Variants in TFEB observed in about 807,000 individuals in gnomAD.
TFEB encodes T-cell transcription factor EB.
TFEB carries 12 observed loss-of-function variants against 48.0 expected under a neutral mutation model. The ratio of observed to expected loss-of-function variants is 0.25; its 90% CI spans 0.16 to 0.40. The LOEUF is 0.40. TFEB is among the 10% of genes least tolerant of loss of function. TFEB has a pLI of 1.00. For missense variants in TFEB, 509 were observed against 640.3 expected (o/e 0.79, Z 2.21); for synonymous variants, 244 against 261.4 (o/e 0.93, Z 0.64).
chr6:41,733,709 T>TCCTCTG (rs1270661541), intron 1 of TFEB: 2 of 985,320 alleles, frequency 2.0e-6, no homozygotes, highest in African/African-American at 3.5e-5. Context: ...ACCCTTCCCT[T>TCCTCTG]CCTCTGCCTC....
In TFEB at chr6:41,724,339, G is replaced by C. The variant is rs1771118528; in HGVS notation, c.-23+11011C>G. Among the ~76,000 whole-genome samples the C allele has an allele frequency of 1.3e-5, 2 of 152,186 alleles. No homozygotes were observed. The highest frequency in any genetic ancestry group is 2.4e-5 in the African/African-American group (1 of 41,432). ...GCTATTATCGGTCGTCTGCGTCTCA[G>C]GGTGGATGAGTTTACTGGGCCCTTT... On this transcript the variant is annotated intron_variant, in intron 1 of 8. Coordinates refer to ENST00000373033, the MANE Select transcript of TFEB (RefSeq NM_001271944.2). This position sits in a 1 kb window ranked among gnomAD's most constrained non-coding sequence, Gnocchi z 4.4.
chr6:41,694,622 C>T (rs984957371), intron 1 of TFEB, among the ~76,000 whole-genome samples: 1 of 152,094 alleles, frequency 6.6e-6, no homozygotes, highest in Non-Finnish European at 1.5e-5. Context: ...TGCCTACTCA[C>T]TCTAAAATCC....
At position 41,690,591 on chromosome 6, in the gene TFEB, G is replaced by T. The variant is rs953982271; in HGVS notation, c.468+72C>A. On this transcript the variant is annotated intron_variant, in intron 3 of 8. Transcript: ENST00000373033. ...GCACCCCTGCCTCTGCCATTAGACT[G>T]GGAGTCTCAGAAGCACAGCAGTGGG... 1.3e-5 allele frequency: 18 copies of T among 1,438,134 alleles called. No individual in the cohort carries two copies. The African/African-American group carries it at 2.6e-4, about 20-fold the overall frequency. 89.1% of individuals were successfully genotyped at this position (1,438,134 alleles called of 1,614,324 possible).
At chr6:41,718,823 A>G (rs920285596) in intron 1 of TFEB, among the ~76,000 whole-genome samples, 7 of 152,200 alleles carry the variant, frequency 4.6e-5, no homozygotes, top group African/African-American at 1.7e-4. Flanking sequence ...GAAAGCCTGA[A>G]GCAGGCCCAA....
In TFEB at chr6:41,734,143, C is replaced by T. The variant is rs576755287; in HGVS notation, c.-23+1207G>A. The T allele has an allele frequency of 5.5e-6, 1 of 182,938 alleles. No individual in the cohort carries two copies. The highest frequency in any genetic ancestry group is 1.0e-5 in the Non-Finnish European group (1 of 96,098). The allele number at this position is 182,938 out of a possible 1,614,324, so 11.3% of individuals were successfully genotyped here. A position where few individuals can be genotyped will look rare whatever the true frequency, so the allele number is the denominator to read the frequency against. On this transcript the variant is annotated intron_variant, in intron 1 of 8. Coordinates refer to ENST00000373033, the MANE Select transcript of TFEB (RefSeq NM_001271944.2). This position sits in a 1 kb window ranked among gnomAD's most constrained non-coding sequence, Gnocchi z 4.0. Reference sequence around the variant, plus strand: ...TGCGCTCAAGTTGAGTGCAGAAGCTCCGCGCTGAACCGTCCCCAGAACAGA... The same window carrying T: ...TGCGCTCAAGTTGAGTGCAGAAGCTTCGCGCTGAACCGTCCCCAGAACAGA...
Position 41,723,670 on chromosome 6 carries a change from C to T in TFEB, c.-23+11680G>A. On this transcript the variant is annotated intron_variant, in intron 1 of 8. Transcript: ENST00000373033. The surrounding 1 kb of genome is among the most constrained non-coding windows in gnomAD (Gnocchi z 6.0). The stretch of plus-strand genomic sequence containing the variant: ...TGCAAATGCGGCCGAGGATTACTCA[C>T]AGCACAGAGGGAACTGCGCCCCGAC... The T allele has an allele frequency of 1.6e-6, 1 of 609,204 alleles. No individual in the cohort carries two copies. The allele number at this position is 609,204 out of a possible 1,614,324, so 37.7% of individuals were successfully genotyped here.
At chr6:41,715,955 C>T (rs1192958131) in intron 1 of TFEB, among the ~76,000 whole-genome samples, 5 of 152,132 alleles carry the variant, frequency 3.3e-5, no homozygotes, top group Non-Finnish European at 7.4e-5. Flanking sequence ...TCCTCTGAGC[C>T]CCACTGCAAG....
chr6:41,697,568 C>T (rs1769675350), intron 1 of TFEB, among the ~76,000 whole-genome samples: 1 of 143,074 alleles, frequency 7.0e-6, no homozygotes, highest in Non-Finnish European at 1.5e-5. Flanking sequence ...ACCTTCAACA[C>T]AACTGCCAGA....
intron 1 of TFEB, among the ~76,000 whole-genome samples, chr6:41,721,770 G>A (rs1271030765): frequency 6.6e-6 from 1 of 152,194 alleles, no homozygotes; most frequent in Non-Finnish European, 1.5e-5. Flanking sequence ...TAAATGTGGT[G>A]AAACTGAGGC....
At chr6:41,705,191 A>G (rs977312235) in intron 1 of TFEB, among the ~76,000 whole-genome samples, 14 of 152,294 alleles carry the variant, frequency 9.2e-5, no homozygotes, top group Admixed American at 6.5e-4. Context: ...GCTCCGCAGG[A>G]GGCCTGGGAG....
chr6:41,708,712 C>T (rs1460557604), intron 1 of TFEB, among the ~76,000 whole-genome samples: 1 of 152,192 alleles, frequency 6.6e-6, no homozygotes, highest in East Asian at 1.9e-4. Context: ...CCTGAGGAGG[C>T]AGTTATGACC....
chr6:41,701,431 C>G (rs1581899493), intron 1 of TFEB, among the ~76,000 whole-genome samples: 1 of 152,218 alleles, frequency 6.6e-6, no homozygotes, highest in African/African-American at 2.4e-5. Flanking sequence ...TTCAGAACCT[C>G]CACACCATCC....
rs764114762 is a variant in TFEB at position 41,686,171 on chromosome 6, C to A, written c.870G>T (p.Lys290Asn). The A allele has an allele frequency of 6.2e-7, 1 of 1,614,244 alleles. No homozygotes were observed. The highest frequency in any genetic ancestry group is 8.5e-7 in the Non-Finnish European group (1 of 1,180,056). The change falls in exon 8 of 9, where the codon AAG becomes AAT. Residue 290 changes from lysine (K) to asparagine (N), a missense_variant. Physicochemically the swap from Lys to Asn is moderately conservative, Grantham distance 94. Coordinates refer to ENST00000373033, the MANE Select transcript of TFEB (RefSeq NM_001271944.2). Reference sequence around the variant, plus strand: ...CCAGCTCCCTGGACTTTTGCAGGTCCTTCTGCATCCTCCGGATGTAATCCA... The same window carrying A: ...CCAGCTCCCTGGACTTTTGCAGGTCATTCTGCATCCTCCGGATGTAATCCA... Reference protein sequence around the residue: ...ASVDYIRRMQKDLQKSRELEN... With the variant: ...ASVDYIRRMQNDLQKSRELEN...
chr6:41,684,537 G>A lies in TFEB; in HGVS notation c.*62C>T. The A allele has an allele frequency of 6.7e-7, 1 of 1,495,910 alleles. No homozygotes were observed. The highest frequency in any genetic ancestry group is 8.9e-7 in the Non-Finnish European group (1 of 1,125,340). 92.7% of individuals were successfully genotyped at this position (1,495,910 alleles called of 1,614,324 possible). On this transcript the variant is annotated 3_prime_UTR_variant, in exon 9 of 9. Coordinates refer to ENST00000373033, the MANE Select transcript of TFEB (RefSeq NM_001271944.2). ...GTGCAGCCTGAAGGGTGGGAGGGAGGTGCCCCTGGCCCTCCCAGCCCCCAG... is the reference window on the plus strand; with the variant it reads ...GTGCAGCCTGAAGGGTGGGAGGGAGATGCCCCTGGCCCTCCCAGCCCCCAG...
upstream of TFEB, chr6:41,735,744 G>T: frequency 4.2e-6 from 1 of 235,378 alleles, no homozygotes; most frequent in Non-Finnish European, 7.4e-6. Flanking sequence ...CCGCTCAGCG[G>T]ACTAAGGCTT....
chr6:41,687,729 G>A (rs1420611273), intron 6 of TFEB, 24 bp downstream of exon 6: 4 of 1,613,868 alleles, frequency 2.5e-6, no homozygotes, highest in Non-Finnish European at 3.4e-6. Context: ...AGGGAGGCAG[G>A]GAGAGGGGCG....
In TFEB at chr6:41,691,163, C is replaced by T. The variant is rs781176893; in HGVS notation, c.51G>A (p.Gln17=). 2 of 1,590,396 alleles carry T rather than the reference C, an allele frequency of 1.3e-6. No individual in the cohort carries two copies. The highest frequency in any genetic ancestry group is 2.3e-5 in the South Asian group (2 of 88,176). The stretch of plus-strand genomic sequence containing the variant: ...GCATGCGCTCCCGCTGCTCCTCCTG[C>T]TGCGCCTGCTCCCGCATGAGCTGCA... ...LRMQLMREQA[Q]QEEQRERMQQ... The change falls in exon 2 of 9, where the codon CAG becomes CAA. Residue 17 remains glutamine, a synonymous_variant. Coordinates refer to ENST00000373033, the MANE Select transcript of TFEB (RefSeq NM_001271944.2). The surrounding 1 kb of genome is among the most constrained non-coding windows in gnomAD (Gnocchi z 5.2).
At chr6:41,706,606 G>C (rs73735936) in intron 1 of TFEB, among the ~76,000 whole-genome samples, 3,702 of 151,126 alleles carry the variant, frequency 0.024, 145 homozygotes, top group African/African-American at 0.083. Context: ...CCTAGACCCA[G>C]AATTCAGCTT....
At chr6:41,713,475 G>T (rs1770573622) in intron 1 of TFEB, among the ~76,000 whole-genome samples, 1 of 152,170 alleles carries the variant, frequency 6.6e-6, no homozygotes, top group South Asian at 2.1e-4. Flanking sequence ...ATCCCCTCCG[G>T]TCCCTACGCT....
Sources: allele counts gnomAD v4.1 joint callset (sites outside exome capture counted in the v4.1 genomes callset), GRCh38; gene constraint gnomAD v4.1.1; non-coding constraint Gnocchi (gnomAD v3.1); transcripts MANE v1.5; gene names NCBI Gene and HGNC (gene_info 2026-07-23, HGNC 2026-07-21).